Variants in SEMA6A observed in about 807,000 individuals in gnomAD.
SEMA6A encodes the protein semaphorin-6A.
Under a neutral mutation model 96.8 loss-of-function variants are expected in SEMA6A, and 25 were observed. That is an observed-to-expected ratio of 0.26 (90% CI 0.19 to 0.36). The LOEUF (loss-of-function observed/expected upper bound fraction) is 0.36. Ranked by LOEUF, SEMA6A falls within the 10% of genes least tolerant of loss-of-function variation. The pLI is 1.00. For synonymous variants in SEMA6A, 612 were observed against 518.0 expected (o/e 1.18, Z -2.46); for missense variants, 1,363 against 1,323.1 (o/e 1.03, Z -0.47).
At chr5:116,559,339 G>C (rs1760723179) in intron 1 of SEMA6A, among the ~76,000 whole-genome samples, 2 of 152,314 alleles carry the variant, frequency 1.3e-5, no homozygotes, top group South Asian at 4.1e-4. Context: ...GCGTCGCCCA[G>C]ATAGCAGAAG....
chr5:116,447,803 G>C lies in SEMA6A; in HGVS notation c.1903C>G (p.Arg635Gly), dbSNP rs1291586760. The C allele has an allele frequency of 3.8e-6, 6 of 1,594,996 alleles. No individual in the cohort carries two copies. The highest frequency in any genetic ancestry group is 4.3e-6 in the Non-Finnish European group (5 of 1,167,378). Residue 635 changes from arginine (R) to glycine (G), a missense_variant, in exon 19 of 19, where the codon CGG (arginine) becomes GGG (glycine). This residue lies in a region of SEMA6A where 883 missense variants were observed against 763.6 expected (regional missense o/e 1.16). Coordinates refer to ENST00000343348, the MANE Select transcript of SEMA6A (RefSeq NM_020796.5). Reference protein sequence around the residue: ...HNHQDKKGVIRESYLKGHDQL... With the variant: ...HNHQDKKGVIGESYLKGHDQL... ...TCGTGGCCTTTGAGGTAACTTTCCC[G>C]AATCACTCCTGCAATAGACATCGCA...
intron 10 of SEMA6A, among the ~76,000 whole-genome samples, chr5:116,483,932 T>G (rs1030672177): frequency 2.0e-5 from 3 of 151,894 alleles, no homozygotes; most frequent in African/African-American, 7.3e-5. Flanking sequence ...GGCATGATGG[T>G]GGGCACCTGT....
At position 116,478,749 on chromosome 5, in the gene SEMA6A, T is replaced by G. The variant is rs954252332; in HGVS notation, c.1251-31A>C. ...ATGACAGGACCACATTTCTTATCTC[T>G]TTGTTGGTCTATCATTAAAGTGTTC... On this transcript the variant is annotated intron_variant, in intron 12 of 18. Transcript: ENST00000343348. The G allele has an allele frequency of 1.1e-5, 17 of 1,601,086 alleles. No individual in the cohort carries two copies. In the Admixed American group the frequency reaches 1.9e-4, roughly 18 times the overall value.
intron 6 of SEMA6A, among the ~76,000 whole-genome samples, chr5:116,494,786 A>G (rs745497468): frequency 6.6e-5 from 10 of 152,240 alleles, no homozygotes; most frequent in Non-Finnish European, 1.2e-4. Flanking sequence ...GGTGCAGCCA[A>G]GACCTCAGAT....
chr5:116,503,949 A>T (rs1445923054), intron 2 of SEMA6A, among the ~76,000 whole-genome samples: 1 of 152,124 alleles, frequency 6.6e-6, no homozygotes, highest in African/African-American at 2.4e-5. Context: ...TGAACTACAC[A>T]TTTGGTCTTA....
intron 1 of SEMA6A, among the ~76,000 whole-genome samples, chr5:116,569,673 G>C (rs1455184538): frequency 6.6e-6 from 1 of 152,156 alleles, no homozygotes; most frequent in Non-Finnish European, 1.5e-5. Flanking sequence ...GAAGCCTGCA[G>C]GTATTCCAAA....
intron 1 of SEMA6A, among the ~76,000 whole-genome samples, chr5:116,560,189 T>C (rs1048656689): frequency 6.6e-6 from 1 of 152,208 alleles, no homozygotes; most frequent in African/African-American, 2.4e-5. Context: ...CCTCCTTCAA[T>C]GGAGCCCAGC....
intron 3 of SEMA6A, chr5:116,499,060 C>T (rs1757748986): frequency 6.6e-6 from 1 of 152,100 alleles, no homozygotes; most frequent in African/African-American, 2.4e-5. Context: ...CACTCAGTCC[C>T]CCGGGTTCTG....
Position 116,553,175 on chromosome 5 carries a change from ATT to A in SEMA6A, c.-39+21008_-39+21009del, listed in dbSNP as rs532269995. Among the ~76,000 whole-genome samples, 499 of 152,344 alleles carry A rather than the reference ATT, an allele frequency of 3.3e-3. 5 individuals are homozygous for A. Among genetic ancestry groups the A allele is most frequent in the South Asian group, 0.022 (104 of 4,824 alleles). On this transcript the variant is annotated intron_variant, in intron 1 of 18. Transcript: ENST00000343348. ...CGTTACATAATTTTGTATCAGATCT[ATT>A]TTTTGTGACTGTGTTTGGAAAGTTT...
At chr5:116,491,015 T>G (rs112731377) in intron 7 of SEMA6A, among the ~76,000 whole-genome samples, 190 of 152,316 alleles carry the variant, frequency 1.2e-3, no homozygotes, top group African/African-American at 4.3e-3. Flanking sequence ...AGGAGTAGTG[T>G]TGGGGAGTAG....
At chr5:116,517,311 G>A (rs1758716782) in intron 1 of SEMA6A, among the ~76,000 whole-genome samples, 1 of 151,948 alleles carries the variant, frequency 6.6e-6, no homozygotes, top group African/African-American at 2.4e-5. Context: ...AAAAAGATTG[G>A]GACACTACAT....
At chr5:116,461,241 G>C (rs574749996) in intron 18 of SEMA6A, among the ~76,000 whole-genome samples, 5 of 151,840 alleles carry the variant, frequency 3.3e-5, no homozygotes, top group African/African-American at 1.2e-4. Flanking sequence ...CTATCTCTTC[G>C]CGTTCCTTGC....
chr5:116,521,719 T>A (rs1758956756), intron 1 of SEMA6A, among the ~76,000 whole-genome samples: 1 of 152,192 alleles, frequency 6.6e-6, no homozygotes, highest in Non-Finnish European at 1.5e-5. Context: ...CCCAGATGTC[T>A]CGGCGTAAAA....
chr5:116,494,071 T>C (rs548959417), intron 6 of SEMA6A, among the ~76,000 whole-genome samples: 7 of 152,316 alleles, frequency 4.6e-5, no homozygotes, highest in African/African-American at 1.7e-4. Context: ...CCTCTCTCTC[T>C]CTTTATCCTG....
intron 1 of SEMA6A, among the ~76,000 whole-genome samples, chr5:116,525,228 T>G (rs1032215496): frequency 2.6e-5 from 4 of 152,172 alleles, no homozygotes; most frequent in Non-Finnish European, 5.9e-5. Flanking sequence ...GAGCTTATAT[T>G]CTAGTGGGCT....
chr5:116,448,596 G>C (rs1056908513), intron 18 of SEMA6A, among the ~76,000 whole-genome samples: 2 of 151,954 alleles, frequency 1.3e-5, no homozygotes, highest in African/African-American at 2.4e-5. Context: ...GATCTTTTCC[G>C]ACGGCCCCCT....
intron 10 of SEMA6A, among the ~76,000 whole-genome samples, chr5:116,485,103 A>G (rs929009241): frequency 6.6e-6 from 1 of 152,204 alleles, no homozygotes; most frequent in Non-Finnish European, 1.5e-5. Context: ...GGGTATGTAT[A>G]TTTTTAGGTG....
chr5:116,573,114 G>A (rs1031524594), intron 1 of SEMA6A, among the ~76,000 whole-genome samples: 2 of 152,094 alleles, frequency 1.3e-5, no homozygotes, highest in African/African-American at 4.8e-5. Context: ...AAAACGCGGA[G>A]AATCGGGACA....
In SEMA6A at chr5:116,473,132, T is replaced by C. The variant is rs777714430; in HGVS notation, c.1709-39A>G. 81 of 1,576,456 alleles carry C rather than the reference T, an allele frequency of 5.1e-5. 1 individual carries two copies. The Admixed American group carries it at 1.3e-3, about 26-fold the overall frequency. ...GGGAGGAGAAGGTTACTTAATGTTT[T>C]ACGCTCTGCTTGGGGCGACTTACAT... is the stretch of plus-strand genomic sequence containing the variant. On this transcript the variant is annotated intron_variant, in intron 16 of 18. Transcript: ENST00000343348.
Sources: allele counts gnomAD v4.1 joint callset (sites outside exome capture counted in the v4.1 genomes callset), GRCh38; gene constraint gnomAD v4.1.1; regional missense constraint gnomAD v4.1.1; transcripts MANE v1.5; gene names NCBI Gene and HGNC (gene_info 2026-07-23, HGNC 2026-07-21).